SLCO6A1: variants seen among roughly 807,000 people sequenced by gnomAD.
SLCO6A1 encodes cancer/testis antigen 48.
Under a neutral mutation model 72.7 loss-of-function variants are expected in SLCO6A1, and 65 were observed. The observed-to-expected ratio is 0.89, with a 90% CI of 0.73 to 1.10. The LOEUF (loss-of-function observed/expected upper bound fraction) is 1.10. Among genes scored for constraint, SLCO6A1 ranks in the 50% least tolerant of loss-of-function variants. SLCO6A1 has a pLI of 0.00. For synonymous variants in SLCO6A1, 314 were observed against 298.2 expected (o/e 1.05, Z -0.55); for missense variants, 874 against 872.6 (o/e 1.00, Z -0.02).
At chr5:102,394,921 T>C (rs563406516) in intron 10 of SLCO6A1, among the ~76,000 whole-genome samples, 11 of 152,314 alleles carry the variant, frequency 7.2e-5, no homozygotes, top group South Asian at 4.1e-4. Flanking sequence ...CCATCATTGC[T>C]GCACTTATTT....
intron 9 of SLCO6A1, among the ~76,000 whole-genome samples, chr5:102,409,919 AAC>A (rs1279808935): frequency 5.9e-5 from 9 of 152,270 alleles, no homozygotes; most frequent in African/African-American, 2.2e-4. Context: ...ATCAAGGTCA[AAC>A]AGTTTTACTG....
Position 102,498,816 on chromosome 5 carries a change from CCA to C in SLCO6A1, c.27_28del (p.Gly10GlufsTer4), listed in dbSNP as rs933208265. 1.9e-6 allele frequency: 3 copies of C among 1,612,578 alleles called. No individual in the cohort carries two copies. Among genetic ancestry groups the C allele is most frequent in the Non-Finnish European group, 2.5e-6 (3 of 1,179,642 alleles). On this transcript the variant is annotated frameshift_variant, in exon 1 of 14. Coordinates refer to ENST00000506729, the MANE Select transcript of SLCO6A1 (RefSeq NM_173488.5). LOFTEE classifies it high-confidence loss of function. ...TCCCCTTGAGACTTCATCCTGGCTC[CCA>C]GAGTGCCGGGCGACGCCTACGAACA...
At chr5:102,463,326 T>C (rs1751139871) in intron 4 of SLCO6A1, among the ~76,000 whole-genome samples, 1 of 152,320 alleles carries the variant, frequency 6.6e-6, no homozygotes, top group Admixed American at 6.5e-5. Flanking sequence ...CTGGTGGAAA[T>C]GTAAACTAGT....
At chr5:102,412,835 G>A (rs1264229366) in intron 9 of SLCO6A1, among the ~76,000 whole-genome samples, 155 bp downstream of exon 9, 1 of 149,866 alleles carries the variant, frequency 6.7e-6, no homozygotes, top group African/African-American at 2.4e-5. Flanking sequence ...GGGAAAATAA[G>A]AAAAAATAGG....
intron 7 of SLCO6A1, among the ~76,000 whole-genome samples, chr5:102,427,030 CA>C (rs1351226443): frequency 1.3e-5 from 2 of 151,790 alleles, no homozygotes; most frequent in Non-Finnish European, 2.9e-5. Flanking sequence ...GGAAATAAAA[CA>C]TCACATATTC....
Position 102,492,590 on chromosome 5 carries a change from T to C in SLCO6A1, c.358+5897A>G, listed in dbSNP as rs186066476. On this transcript the variant is annotated intron_variant, in intron 1 of 13. Coordinates refer to ENST00000506729, the MANE Select transcript of SLCO6A1 (RefSeq NM_173488.5). Reference sequence around the variant, plus strand: ...AGTGTGAGCTGAAGCAGGGGAGGCATTGCCTCACCTGGGAAGTGCAAGGGG... The same window carrying C: ...AGTGTGAGCTGAAGCAGGGGAGGCACTGCCTCACCTGGGAAGTGCAAGGGG... 4.1e-3 allele frequency among the ~76,000 whole-genome samples: 623 copies of C among 151,938 alleles called. 9 individuals carry two copies. The highest frequency in any genetic ancestry group is 0.014 in the African/African-American group (599 of 41,448).
intron 6 of SLCO6A1, among the ~76,000 whole-genome samples, chr5:102,457,865 A>G (rs993836652): frequency 6.6e-6 from 1 of 152,170 alleles, no homozygotes; most frequent in African/African-American, 2.4e-5. Flanking sequence ...ATGTCCAACA[A>G]TGATAGACTG....
intron 10 of SLCO6A1, among the ~76,000 whole-genome samples, chr5:102,396,411 T>C (rs1382472267): frequency 6.6e-6 from 1 of 152,202 alleles, no homozygotes; most frequent in African/African-American, 2.4e-5. Flanking sequence ...AGGCTAGGCA[T>C]CAATTATTGT....
At chr5:102,488,255 A>G (rs1426305509) in intron 1 of SLCO6A1, among the ~76,000 whole-genome samples, 1 of 152,244 alleles carries the variant, frequency 6.6e-6, no homozygotes, top group African/African-American at 2.4e-5. Flanking sequence ...TAAAGAAAAC[A>G]TAAAGAGAAA....
rs1748502932 is a variant in SLCO6A1, at chr5:102,419,972, G to C, written c.1326C>G (p.Val442=). ...AAGACATTTCTAATGTGGAAACAAT[G>C]ACACCTCCCAGAAGCTGGCCAAGTG... ...GGALGQLLGG[V]IVSTLEMSCK... is the part of the protein sequence containing the mutation. The change falls in exon 8 of 14, where the codon GTC becomes GTG. Residue 442 remains valine (V), a synonymous_variant. Transcript: ENST00000506729. 1.0e-5 allele frequency: 16 copies of C among 1,598,304 alleles called. No individual in the cohort carries two copies. The highest frequency in any genetic ancestry group is 1.4e-5 in the Non-Finnish European group (16 of 1,175,522).
chr5:102,473,597 T>C (rs1037217479), intron 4 of SLCO6A1, among the ~76,000 whole-genome samples: 1 of 151,986 alleles, frequency 6.6e-6, no homozygotes, highest in African/African-American at 2.4e-5. Context: ...GACATAGTAC[T>C]GGAAGGTCCT....
chr5:102,460,632 G>C (rs893698538), intron 4 of SLCO6A1, among the ~76,000 whole-genome samples: 11 of 151,874 alleles, frequency 7.2e-5, no homozygotes, highest in Admixed American at 2.6e-4. Context: ...ACACATTTAA[G>C]ACCCCCTCCA....
intron 7 of SLCO6A1, among the ~76,000 whole-genome samples, chr5:102,432,190 A>T (rs1749257435): frequency 6.6e-6 from 1 of 152,128 alleles, no homozygotes; most frequent in Non-Finnish European, 1.5e-5. Flanking sequence ...TTTTCTATTC[A>T]GCTTGCCACT....
chr5:102,442,092 C>T (rs11950639), intron 6 of SLCO6A1, among the ~76,000 whole-genome samples: 39,301 of 151,992 alleles, frequency 0.26, 5,290 homozygotes, highest in South Asian at 0.34. Flanking sequence ...TTGGTCTGTA[C>T]TAGCTGCAAC....
chr5:102,426,399 A>G (rs931568910), intron 7 of SLCO6A1, among the ~76,000 whole-genome samples: 2 of 152,186 alleles, frequency 1.3e-5, no homozygotes, highest in Non-Finnish European at 2.9e-5. Context: ...CAGAATCTAC[A>G]AGGAACTTAA....
chr5:102,372,506 T>A (rs902547730), intron 13 of SLCO6A1, among the ~76,000 whole-genome samples: 1 of 151,976 alleles, frequency 6.6e-6, no homozygotes, highest in African/African-American at 2.4e-5. Flanking sequence ...AAAATCTCTA[T>A]ACAAATGCAT....
At chr5:102,455,007 A>AAT (rs912771095) in intron 6 of SLCO6A1, among the ~76,000 whole-genome samples, 891 of 76,644 alleles carry the variant, frequency 0.012, 12 homozygotes, top group Admixed American at 0.028. Flanking sequence ...AATATATATA[A>AAT]ATATATATAT....
At chr5:102,372,250 T>A (rs1750663556) in intron 13 of SLCO6A1, 127 bp from the exon 14 acceptor site, 1 of 152,018 alleles carries the variant, frequency 6.6e-6, no homozygotes, top group South Asian at 2.1e-4. Context: ...TAGTAAGATA[T>A]GAATATTCCC....
intron 12 of SLCO6A1, among the ~76,000 whole-genome samples, chr5:102,382,287 T>C (rs1430479707): frequency 1.3e-5 from 2 of 151,802 alleles, no homozygotes; most frequent in Non-Finnish European, 3.0e-5. Flanking sequence ...TAAAGATCAA[T>C]TGTCTATAAA....
Sources: gnomAD v4.1 joint callset for allele counts (sites outside exome capture counted in the v4.1 genomes callset) on GRCh38, gnomAD v4.1.1 for gene constraint, MANE v1.5 for transcripts, NCBI Gene and HGNC (gene_info 2026-07-23, HGNC 2026-07-21) for gene names.